The following DNM3 variants were observed in gnomAD, a reference collection of about 807,000 sequenced individuals.
DNM3 encodes dynamin-3.
A neutral mutation model predicts 101.6 loss-of-function variants in DNM3; 47 were observed. The observed-to-expected ratio is 0.46, with a 90% CI of 0.37 to 0.59. The LOEUF is 0.59. Ranked by LOEUF, DNM3 falls within the 20% of genes least tolerant of loss-of-function variation. DNM3 has a pLI of 0.00. For synonymous variants in DNM3, 385 were observed against 387.9 expected (o/e 0.99, Z 0.09); for missense variants, 849 against 1,085.7 (o/e 0.78, Z 3.06).
chr1:172,236,686 A>G (rs953220692), intron 14 of DNM3, among the ~76,000 whole-genome samples: 38 of 152,084 alleles, frequency 2.5e-4, no homozygotes, highest in Non-Finnish European at 4.9e-4. Context: ...ATACTCTGTT[A>G]ACTAAAGTGG....
intron 2 of DNM3, among the ~76,000 whole-genome samples, chr1:171,981,312 A>G (rs560650887): frequency 6.6e-6 from 1 of 152,350 alleles, no homozygotes; most frequent in Admixed American, 6.5e-5. Context: ...AGAAAACTCC[A>G]GTTAAAATTT....
chr1:172,378,919 A>G, intron 17 of DNM3, 99 bp from the exon 18 acceptor site: 1 of 1,328,580 alleles, frequency 7.5e-7, no homozygotes, highest in South Asian at 1.6e-5. Context: ...ATAAACTCCA[A>G]CTATGCTAAT....
At chr1:171,943,589 C>T (rs2125420469) in intron 2 of DNM3, among the ~76,000 whole-genome samples, 1 of 152,310 alleles carries the variant, frequency 6.6e-6, no homozygotes, top group East Asian at 1.9e-4. Flanking sequence ...CAATCAATTG[C>T]CAATGGGGAA....
chr1:171,949,668 G>A (rs1431294828), intron 2 of DNM3, among the ~76,000 whole-genome samples: 1 of 150,964 alleles, frequency 6.6e-6, no homozygotes, highest in Admixed American at 6.6e-5. Flanking sequence ...CTCCTGTCTT[G>A]GTTTCCCAAA....
intron 14 of DNM3, among the ~76,000 whole-genome samples, chr1:172,199,787 A>G (rs535951543): frequency 2.1e-5 from 3 of 139,702 alleles, no homozygotes; most frequent in East Asian, 3.9e-4. Flanking sequence ...TTTTGAGCCT[A>G]TGATTGTCAT....
At chr1:172,389,853 GA>G (rs1407061965) in intron 20 of DNM3, among the ~76,000 whole-genome samples, 5 of 152,166 alleles carry the variant, frequency 3.3e-5, no homozygotes, top group African/African-American at 1.2e-4. Context: ...GAAGAAGGGG[GA>G]TCTTAAGCTA....
chr1:172,028,191 A>C (rs1291866901), intron 4 of DNM3, among the ~76,000 whole-genome samples: 1 of 152,218 alleles, frequency 6.6e-6, no homozygotes, highest in African/African-American at 2.4e-5. Flanking sequence ...CAGCAAATGC[A>C]AAAGAATGGA....
chr1:172,203,653 T>C (rs1443852609), intron 14 of DNM3, among the ~76,000 whole-genome samples: 1 of 152,146 alleles, frequency 6.6e-6, no homozygotes, highest in African/African-American at 2.4e-5. Flanking sequence ...AAGTTAGCTT[T>C]TGTATAATAG....
chr1:172,201,330 G>A (rs1012018008), intron 14 of DNM3, among the ~76,000 whole-genome samples: 1 of 152,080 alleles, frequency 6.6e-6, no homozygotes, highest in African/African-American at 2.4e-5. Context: ...ATCATGACTT[G>A]GTACTCCTTG....
At chr1:171,892,259 C>T (rs763662758) in intron 1 of DNM3, among the ~76,000 whole-genome samples, 7 of 151,970 alleles carry the variant, frequency 4.6e-5, no homozygotes, top group Non-Finnish European at 7.4e-5. Context: ...TATATCCTCC[C>T]CCAGTTCTAT....
At chr1:172,002,031 A>G (rs1397982288) in intron 4 of DNM3, among the ~76,000 whole-genome samples, 1 of 152,078 alleles carries the variant, frequency 6.6e-6, no homozygotes, top group Admixed American at 6.6e-5. Context: ...ATGTTTATAA[A>G]CTGCAAAAAT....
intron 15 of DNM3, among the ~76,000 whole-genome samples, chr1:172,259,317 G>T (rs1200725575): frequency 6.6e-6 from 1 of 151,988 alleles, no homozygotes; most frequent in Non-Finnish European, 1.5e-5. Context: ...TTTCAGTCTA[G>T]ATGATCTGTC....
intron 14 of DNM3, among the ~76,000 whole-genome samples, chr1:172,145,777 C>G (rs2057861357): frequency 6.6e-6 from 1 of 152,134 alleles, no homozygotes; most frequent in African/African-American, 2.4e-5. Flanking sequence ...ATTCCTGATT[C>G]TGTTTTGATA....
At chr1:172,213,714 A>T (rs1290274462) in intron 14 of DNM3, among the ~76,000 whole-genome samples, 1 of 151,716 alleles carries the variant, frequency 6.6e-6, no homozygotes, top group Non-Finnish European at 1.5e-5. Context: ...CTGTAATCCC[A>T]GCTATCGGGA....
At chr1:171,854,836 G>A (rs1395446652) in intron 1 of DNM3, among the ~76,000 whole-genome samples, 2 of 151,632 alleles carry the variant, frequency 1.3e-5, no homozygotes, top group Admixed American at 1.3e-4. Context: ...CAAAGTGCTG[G>A]GATTACAGGT....
chr1:172,075,982 G>T (rs4916420), intron 11 of DNM3, among the ~76,000 whole-genome samples: 5,650 of 152,086 alleles, frequency 0.037, 247 homozygotes, highest in East Asian at 0.14. Flanking sequence ...TGTCCTCTTT[G>T]ATTTCCTTGA....
intron 2 of DNM3, among the ~76,000 whole-genome samples, chr1:171,976,895 A>C (rs551359121): frequency 6.6e-6 from 1 of 152,302 alleles, no homozygotes; most frequent in Non-Finnish European, 1.5e-5. Flanking sequence ...CCTTGTGGCC[A>C]AGATTCTGTG....
chr1:172,051,759 T>G (rs1313625278), intron 10 of DNM3, among the ~76,000 whole-genome samples: 1 of 152,194 alleles, frequency 6.6e-6, no homozygotes, highest in African/African-American at 2.4e-5. Flanking sequence ...CATTAAACCT[T>G]AGAGCCCACA....
chr1:172,097,680 G>A (rs1181015346), intron 13 of DNM3, among the ~76,000 whole-genome samples: 1 of 152,126 alleles, frequency 6.6e-6, no homozygotes, highest in Non-Finnish European at 1.5e-5. Context: ...TGATGAGAGA[G>A]GTAGGAAAAC....
Sources: allele counts gnomAD v4.1 joint callset (sites outside exome capture counted in the v4.1 genomes callset), GRCh38; gene constraint gnomAD v4.1.1; transcripts MANE v1.5; gene names NCBI Gene and HGNC (gene_info 2026-07-23, HGNC 2026-07-21).